Variants in PPP6R2 observed in about 807,000 individuals in gnomAD.
The protein encoded by PPP6R2 is serine/threonine-protein phosphatase 6 regulatory subunit 2.
A neutral mutation model predicts 100.2 loss-of-function variants in PPP6R2; 62 were observed. The observed-to-expected ratio is 0.62, with a 90% confidence interval of 0.50 to 0.76. The LOEUF (loss-of-function observed/expected upper bound fraction) is 0.76. PPP6R2 is among the 30% of genes least tolerant of loss of function. The pLI, the probability that PPP6R2 is intolerant of heterozygous loss-of-function variation, is 0.00. For missense variants in PPP6R2, 1,142 were observed against 1,276.3 expected (o/e 0.89, Z 1.60); for synonymous variants, 525 against 514.7 (o/e 1.02, Z -0.27).
At position 50,343,495 on chromosome 22, in the gene PPP6R2, TCGGGCCTCCACA is replaced by T. The variant is rs556789769; in HGVS notation, c.-193_-182del. On this transcript the variant is annotated 5_prime_UTR_variant, in exon 1 of 24. Coordinates refer to ENST00000612753, the MANE Select transcript of PPP6R2 (RefSeq NM_001242898.2). ...CCTCCACCAGCGCCCTGGCCTCCGC[TCGGGCCTCCACA>T]CGGGCCTCCGAAGAGCTGCCGCGAC... The T allele has an allele frequency of 2.1e-3, 320 of 151,136 alleles. No homozygotes were observed. The highest frequency in any genetic ancestry group is 3.4e-3 in the Middle Eastern group (1 of 294). The allele number at this position is 151,136 out of a possible 1,614,324, so 9.4% of individuals were successfully genotyped here.
chr22:50,438,693 G>A lies in PPP6R2; in HGVS notation c.2059G>A (p.Ala687Thr), dbSNP rs766014531. The A allele has an allele frequency of 6.2e-7, 1 of 1,613,910 alleles. No homozygotes were observed. Residue 687 changes from alanine (A) to threonine (T), a missense_variant, in exon 19 of 24, where the codon GCA becomes ACA. By Grantham distance (58) the Ala-to-Thr change is moderately conservative (BLOSUM62 0). Around this residue, in one of 2 missense-constraint regions of PPP6R2, gnomAD observed 550 missense variants for 517.4 expected, o/e 1.06. Transcript: ENST00000612753. ...GGCGAGCTTGGAAGCACACAGAGAT[G>A]CACCTGGGGCAGGTGCCCCACCGGC... ...GKASLEAHRD[A>T]PGAGAPPAPG...
intron 2 of PPP6R2, among the ~76,000 whole-genome samples, chr22:50,384,084 TA>T (rs1370918575): frequency 6.6e-6 from 1 of 151,712 alleles, no homozygotes; most frequent in Non-Finnish European, 1.5e-5. Flanking sequence ...GCTCGTGTGT[TA>T]GTGACATCAC....
rs2061584791 is a variant in PPP6R2 at position 50,423,360 on chromosome 22, AGGCTGGGTCCCAGCCTAGAGT to A, written c.973-100_973-80del. On this transcript the variant is annotated intron_variant, in intron 9 of 23. Coordinates refer to ENST00000612753, the MANE Select transcript of PPP6R2 (RefSeq NM_001242898.2). The surrounding 1 kb of genome is among the most constrained non-coding windows in gnomAD (Gnocchi z 4.8). Reference sequence around the variant, plus strand: ...CCCCCACCACATACCTCGCTACCCCAGGCTGGGTCCCAGCCTAGAGTGATGGGCATGAGCCCAGAGACTCCA... The same window carrying A: ...CCCCCACCACATACCTCGCTACCCCAGATGGGCATGAGCCCAGAGACTCCA... 1.4e-6 allele frequency: 2 copies of A among 1,467,348 alleles called. No individual in the cohort carries two copies. The highest frequency in any genetic ancestry group is 9.3e-7 in the Non-Finnish European group (1 of 1,073,168). 90.9% of individuals were successfully genotyped at this position (1,467,348 alleles called of 1,614,324 possible).
intron 12 of PPP6R2, among the ~76,000 whole-genome samples, chr22:50,432,951 C>G (rs924773773): frequency 5.9e-5 from 9 of 151,708 alleles, no homozygotes; most frequent in African/African-American, 1.9e-4. Context: ...AGCTTGGTAG[C>G]TGGCAGCATG....
intron 2 of PPP6R2, among the ~76,000 whole-genome samples, chr22:50,388,646 G>A (rs1016323098): frequency 1.3e-5 from 2 of 151,964 alleles, no homozygotes; most frequent in East Asian, 3.9e-4. Flanking sequence ...GGCCGAGGCG[G>A]GCAGATCACA....
the PPP6R2 span, among the ~76,000 whole-genome samples, chr22:50,332,727 G>A: frequency 5.3e-5 from 8 of 151,142 alleles, no homozygotes; most frequent in African/African-American, 9.7e-5. Context: ...GGGTTCAAGC[G>A]ATTCTCCTGC....
At chr22:50,402,789 C>T (rs1434488130) in intron 3 of PPP6R2, among the ~76,000 whole-genome samples, 3 of 152,152 alleles carry the variant, frequency 2.0e-5, no homozygotes, top group Non-Finnish European at 4.4e-5. Flanking sequence ...AGAGCAGCAC[C>T]TGTCATTTGA....
chr22:50,362,033 C>CTGGA (rs1381953187), intron 1 of PPP6R2, among the ~76,000 whole-genome samples: 5 of 152,210 alleles, frequency 3.3e-5, no homozygotes, highest in African/African-American at 4.8e-5. Flanking sequence ...GACTTTATGC[C>CTGGA]TGGACCTTTG....
At position 50,343,459 on chromosome 22, in the gene PPP6R2, C is replaced by G. The variant is rs1201567602; in HGVS notation, c.-239C>G. Reference sequence around the variant, plus strand: ...TGTGTGTGCGGCCCGCCCGAGGCCGCCCGGGCTTTGCCTCCACCAGCGCCC... The same window carrying G: ...TGTGTGTGCGGCCCGCCCGAGGCCGGCCGGGCTTTGCCTCCACCAGCGCCC... On this transcript the variant is annotated 5_prime_UTR_variant, in exon 1 of 24. Coordinates refer to ENST00000612753, the MANE Select transcript of PPP6R2 (RefSeq NM_001242898.2). 1 of 151,476 alleles carries G rather than the reference C, an allele frequency of 6.6e-6. No homozygotes were observed. Among genetic ancestry groups the G allele is most frequent in the African/African-American group, 2.4e-5 (1 of 41,350 alleles). The allele number at this position is 151,476 out of a possible 1,614,324, so 9.4% of individuals were successfully genotyped here.
intron 1 of PPP6R2, among the ~76,000 whole-genome samples, chr22:50,368,682 C>T (rs1376945871): frequency 6.6e-6 from 1 of 152,052 alleles, no homozygotes; most frequent in East Asian, 1.9e-4. Context: ...GCCCACAATA[C>T]AAGGTCTCAC....
At position 50,406,779 on chromosome 22, in the gene PPP6R2, G is replaced by T. The variant is rs371424294; in HGVS notation, c.318G>T (p.Leu106=). 4 of 1,614,118 alleles carry T rather than the reference G, an allele frequency of 2.5e-6. No individual in the cohort carries two copies. The highest frequency in any genetic ancestry group is 8.5e-7 in the Non-Finnish European group (1 of 1,179,986). Residue 106 remains leucine (L), a synonymous_variant, in exon 4 of 24, where the codon CTG becomes CTT. Coordinates refer to ENST00000612753, the MANE Select transcript of PPP6R2 (RefSeq NM_001242898.2). ...LGGDESLLSL[L]YDFLDHEPPL... is the part of the protein sequence containing the mutation. Reference sequence around the variant, plus strand: ...GGGACGAGAGCCTGCTGAGCCTCCTGTACGACTTCTTGGACCATGAGCCGC... The same window carrying T: ...GGGACGAGAGCCTGCTGAGCCTCCTTTACGACTTCTTGGACCATGAGCCGC...
At chr22:50,410,047 A>T (rs888773792) in intron 4 of PPP6R2, among the ~76,000 whole-genome samples, 22 of 150,688 alleles carry the variant, frequency 1.5e-4, no homozygotes, top group Non-Finnish European at 2.5e-4. Context: ...TTTTGTTTTT[A>T]TTTTTTTTCT....
chr22:50,337,375 T>G, the PPP6R2 span, among the ~76,000 whole-genome samples: 26 of 136,084 alleles, frequency 1.9e-4, no homozygotes, highest in South Asian at 6.1e-3. Context: ...GTGTGCTGTG[T>G]GGGGGGTGTG....
chr22:50,357,195 A>G (rs893505854), intron 1 of PPP6R2, among the ~76,000 whole-genome samples: 1 of 152,134 alleles, frequency 6.6e-6, no homozygotes, highest in East Asian at 1.9e-4. Flanking sequence ...ATATCTATTC[A>G]TGCTTTTACC....
rs996563744 is a variant in PPP6R2 at position 50,375,959 on chromosome 22, G to C, written c.-17+3809G>C. On this transcript the variant is annotated intron_variant, in intron 2 of 23. Coordinates refer to ENST00000612753, the MANE Select transcript of PPP6R2 (RefSeq NM_001242898.2). ...AGGTTGAAGCGATTCTCCTACCTCA[G>C]CCTTGCAAGTAGCTGGGACTATAGG... 2.0e-5 allele frequency among the ~76,000 whole-genome samples: 3 copies of C among 148,976 alleles called. No individual in the cohort carries two copies. In the Admixed American group the frequency reaches 2.1e-4, roughly 10 times the overall value.
In PPP6R2 at chr22:50,410,683, A is replaced by G. The variant is rs181979033; in HGVS notation, c.414+3808A>G. ...AACCTCTTATTTTTTTCAAGCCCAT[A>G]ATGATCAATGTATCATATTCACATA... is the stretch of plus-strand genomic sequence containing the variant. On this transcript the variant is annotated intron_variant, in intron 4 of 23. Transcript: ENST00000612753. Among the ~76,000 whole-genome samples the G allele has an allele frequency of 4.2e-3, 638 of 151,744 alleles. 4 individuals are homozygous for G. Among genetic ancestry groups the G allele is most frequent in the Middle Eastern group, 0.024 (7 of 294 alleles).
chr22:50,339,242 G>A (rs1414496130), upstream of PPP6R2, among the ~76,000 whole-genome samples: 1 of 135,364 alleles, frequency 7.4e-6, no homozygotes, highest in Non-Finnish European at 1.5e-5. Context: ...TTTACGGTGT[G>A]TGTTGTGTGT....
intron 1 of PPP6R2, among the ~76,000 whole-genome samples, chr22:50,356,112 G>A (rs188436318): frequency 6.6e-6 from 1 of 150,990 alleles, no homozygotes; most frequent in East Asian, 2.0e-4. Flanking sequence ...ACAGGCGCCC[G>A]CCACCACGCC....
At chr22:50,355,061 C>G (rs1261604428) in intron 1 of PPP6R2, among the ~76,000 whole-genome samples, 1 of 151,412 alleles carries the variant, frequency 6.6e-6, no homozygotes, top group Non-Finnish European at 1.5e-5. Context: ...CAGGCTGATC[C>G]TGAACTCCTG....
Sources: allele counts gnomAD v4.1 joint callset (sites outside exome capture counted in the v4.1 genomes callset), GRCh38; gene constraint gnomAD v4.1.1; regional missense constraint gnomAD v4.1.1; non-coding constraint Gnocchi (gnomAD v3.1); transcripts MANE v1.5; gene names NCBI Gene and HGNC (gene_info 2026-07-23, HGNC 2026-07-21).